NLGN4X: variants seen among roughly 807,000 people sequenced by gnomAD.
NLGN4X encodes neuroligin 4 X-linked, also known as neuroligin-4, X-linked.
In NLGN4X, 3 loss-of-function variants were observed where a neutral mutation model predicts 40.3. That is an observed-to-expected ratio of 0.07 (90% confidence interval 0.03 to 0.19). The LOEUF (loss-of-function observed/expected upper bound fraction) is 0.19, where lower values mean the gene tolerates loss of function less well. NLGN4X is among the 10% of genes least tolerant of loss of function. The pLI, the probability that NLGN4X is intolerant of heterozygous loss-of-function variation, is 1.00. For synonymous variants in NLGN4X, 270 were observed against 306.8 expected, an observed-to-expected ratio of 0.88 and a Z score of 1.25; for missense variants, 382 against 708.3, an observed-to-expected ratio of 0.54 and a Z score of 5.23.
chrX:6,209,689 G>A (rs1002899427), intron 1 of NLGN4X, among the ~76,000 whole-genome samples: 10 of 111,577 alleles, frequency 9.0e-5, no homozygotes, highest in African/African-American at 1.6e-4. Context: ...CCTGATACTC[G>A]CTTAGAAGTC....
intron 3 of NLGN4X, among the ~76,000 whole-genome samples, chrX:6,016,124 C>A (rs2036389777): frequency 8.9e-6 from 1 of 112,232 alleles, no homozygotes; most frequent in African/African-American, 3.2e-5. Context: ...CACACATGTC[C>A]AATAAGCACA....
At chrX:6,178,040 C>CA (rs201432520) in intron 1 of NLGN4X, among the ~76,000 whole-genome samples, 2,654 of 111,647 alleles carry the variant, frequency 0.024, 77 homozygotes, top group African/African-American at 0.079. Context: ...CTTGGACTCC[C>CA]AGCCTCCAGA....
chrX:5,978,499 C>T, intron 3 of NLGN4X, among the ~76,000 whole-genome samples: 1 of 110,813 alleles, frequency 9.0e-6, no homozygotes, highest in Non-Finnish European at 1.9e-5. Flanking sequence ...AGGCTCTTGT[C>T]TAATTTACAT....
At chrX:5,936,592 G>C (rs749910018) in intron 3 of NLGN4X, among the ~76,000 whole-genome samples, 5 of 111,866 alleles carry the variant, frequency 4.5e-5, no homozygotes, top group Admixed American at 9.5e-5. Flanking sequence ...TTGCAAGAAA[G>C]TTCCCAGCTA....
In NLGN4X at chrX:6,128,146, T is replaced by A. The variant is rs763891885; in HGVS notation, c.472+22849A>T. On this transcript the variant is annotated intron_variant, in intron 2 of 5. Transcript: ENST00000381095. Reference sequence around the variant, plus strand: ...GTTGACTGTTTAAACCAGAGCATTCTCCCCTGTGTGCCCGTGTGTCTTCAA... The same window carrying A: ...GTTGACTGTTTAAACCAGAGCATTCACCCCTGTGTGCCCGTGTGTCTTCAA... 3.6e-5 allele frequency among the ~76,000 whole-genome samples: 4 copies of A among 110,872 alleles called. No homozygotes were observed. The East Asian group carries it at 8.6e-4, about 24-fold the overall frequency.
At chrX:6,181,858 G>A (rs941251155) in intron 1 of NLGN4X, among the ~76,000 whole-genome samples, 6 of 112,041 alleles carry the variant, frequency 5.4e-5, no homozygotes, top group Non-Finnish European at 9.4e-5. Flanking sequence ...GTATTCAGGG[G>A]AATTTTTAGT....
intron 2 of NLGN4X, chrX:6,061,599 A>G (rs193024679): frequency 2.2e-4 from 25 of 112,036 alleles, no homozygotes; most frequent in African/African-American, 7.1e-4. Flanking sequence ...GTCAAAAATG[A>G]CATTTGCATT....
intron 3 of NLGN4X, among the ~76,000 whole-genome samples, chrX:5,923,386 CT>C (rs2033148877): frequency 8.9e-6 from 1 of 112,683 alleles, no homozygotes; most frequent in Non-Finnish European, 1.9e-5. Context: ...AGCGATCTGC[CT>C]GCCTTGCCCT....
chrX:6,086,248 G>A lies in NLGN4X; in HGVS notation c.473-56816C>T, dbSNP rs141334285. 3.7e-3 allele frequency among the ~76,000 whole-genome samples: 413 copies of A among 111,778 alleles called. 3 individuals carry two copies. Among genetic ancestry groups the A allele is most frequent in the South Asian group, 0.019 (51 of 2,643 alleles). On this transcript the variant is annotated intron_variant, in intron 2 of 5. Transcript: ENST00000381095. ...GGGTGAGGCTAGGTAAAGATGGTTT[G>A]AGGAAGAAAGAAAATGTTTTCATGT...
intron 1 of NLGN4X, among the ~76,000 whole-genome samples, chrX:6,208,525 C>T (rs561658440): frequency 1.8e-5 from 2 of 112,255 alleles, no homozygotes; most frequent in Non-Finnish European, 3.8e-5. Flanking sequence ...TCTCATTGCA[C>T]TCTTTGCCCA....
intron 2 of NLGN4X, among the ~76,000 whole-genome samples, chrX:6,134,224 G>A (rs1381262509): frequency 2.7e-5 from 3 of 111,636 alleles, no homozygotes; most frequent in African/African-American, 6.5e-5. Flanking sequence ...CACTTCATAC[G>A]GTTGGCTGAG....
intron 2 of NLGN4X, among the ~76,000 whole-genome samples, chrX:6,042,728 T>TACACAC (rs202030040): frequency 2.2e-3 from 65 of 29,291 alleles, no homozygotes; most frequent in East Asian, 6.3e-3. Context: ...TATATATATA[T>TACACAC]ATACACACAC....
At chrX:5,897,068 G>A (rs978597509) in intron 5 of NLGN4X, among the ~76,000 whole-genome samples, 1 of 111,538 alleles carries the variant, frequency 9.0e-6, no homozygotes, top group Non-Finnish European at 1.9e-5. Flanking sequence ...TCAATCTGCC[G>A]TACAAACCCC....
intron 4 of NLGN4X, among the ~76,000 whole-genome samples, chrX:5,907,741 G>T (rs1191718419): frequency 1.8e-5 from 2 of 109,663 alleles, no homozygotes; most frequent in Non-Finnish European, 3.8e-5. Flanking sequence ...GGTCCTTCGT[G>T]AAAGTCATAT....
chrX:5,930,000 G>T (rs1208291946), intron 3 of NLGN4X, among the ~76,000 whole-genome samples: 1 of 112,440 alleles, frequency 8.9e-6, no homozygotes, highest in Non-Finnish European at 1.9e-5. Context: ...TCAGAGATAA[G>T]AATGTTCTAT....
intron 1 of NLGN4X, among the ~76,000 whole-genome samples, chrX:6,206,717 C>T (rs774481340): frequency 1.8e-5 from 2 of 111,571 alleles, no homozygotes; most frequent in South Asian, 7.7e-4. Context: ...CCGTCTTCAC[C>T]CTGTGAGTGT....
chrX:6,155,688 CTACA>C (rs1196149051), intron 1 of NLGN4X, among the ~76,000 whole-genome samples: 2 of 112,524 alleles, frequency 1.8e-5, no homozygotes, highest in South Asian at 3.7e-4. Context: ...ATTTCCCCTC[CTACA>C]TAAAGGAGAT....
chrX:6,019,890 C>T (rs999791781), intron 3 of NLGN4X, among the ~76,000 whole-genome samples: 2 of 112,190 alleles, frequency 1.8e-5, no homozygotes, highest in Non-Finnish European at 3.8e-5. Flanking sequence ...ACTACTAACT[C>T]ATGCTTAAAT....
chrX:6,119,423 T>C (rs1464791564), intron 2 of NLGN4X, among the ~76,000 whole-genome samples: 1 of 111,857 alleles, frequency 8.9e-6, no homozygotes, highest in Admixed American at 9.5e-5. Context: ...GATCCCAAAT[T>C]CTTAATGCAA....
Sources: gnomAD v4.1 joint callset for allele counts (sites outside exome capture counted in the v4.1 genomes callset) on GRCh38, gnomAD v4.1.1 for gene constraint, MANE v1.5 for transcripts, NCBI Gene and HGNC (gene_info 2026-07-23, HGNC 2026-07-21) for gene names.